Variants in KAT5 observed in about 807,000 individuals in gnomAD.
The protein encoded by KAT5 is lysine acetyltransferase 5.
A neutral mutation model predicts 68.1 loss-of-function variants in KAT5; 31 were observed. The observed-to-expected ratio is 0.46, with a 90% CI of 0.34 to 0.61. The LOEUF (loss-of-function observed/expected upper bound fraction) is 0.61. Ranked by LOEUF, KAT5 falls within the 20% of genes least tolerant of loss-of-function variation. KAT5 has a pLI of 0.01. For synonymous variants in KAT5, 365 were observed against 292.6 expected (o/e 1.25, Z -2.52); for missense variants, 451 against 725.5 (o/e 0.62, Z 4.35).
chr11:65,714,836 C>T lies in KAT5; in HGVS notation c.955C>T (p.Arg319Ter). 1 of 1,614,170 alleles carries T rather than the reference C, an allele frequency of 6.2e-7. No homozygotes were observed. Among genetic ancestry groups the T allele is most frequent in the Non-Finnish European group, 8.5e-7 (1 of 1,180,004 alleles). ...TCTTCCCCAGACCAAGTGTGACCTA[C>T]GACATCCTCCAGGCAATGAGATTTA... is the stretch of plus-strand genomic sequence containing the variant. ...LQRHLTKCDL[R>*]HPPGNEIYRK... Residue 319 changes from arginine (R) to a stop codon, truncating the protein, a stop_gained, in exon 8 of 13, where the codon CGA becomes TGA. Transcript: ENST00000341318. LOFTEE classifies it high-confidence loss of function.
At chr11:65,716,854 C>A in intron 9 of KAT5, 35 bp from the exon 10 acceptor site, 1 of 1,613,702 alleles carries the variant, frequency 6.2e-7, no homozygotes, top group Non-Finnish European at 8.5e-7. Context: ...TGAGCCAGAT[C>A]CCTTCCCTGA....
At position 65,713,682 on chromosome 11, in the gene KAT5, C is replaced by T. The variant is rs1857102354; in HGVS notation, c.615+15C>T. On this transcript the variant is annotated intron_variant, in intron 5 of 12. Transcript: ENST00000341318. ...TTTTTCCCCAGGTGAGTTCCCCAAA[C>T]CATCTCTTGTTCTCTTCCTCTCTTC... 6.2e-7 allele frequency: 1 copy of T among 1,614,144 alleles called. No individual in the cohort carries two copies. The highest frequency in any genetic ancestry group is 8.5e-7 in the Non-Finnish European group (1 of 1,179,960).
rs1309055587 is a variant in KAT5 at position 65,716,924 on chromosome 11, C to T, written c.1206C>T (p.Cys402=). ...CAACGGAAGACTACAATGTGGCCTG[C>T]ATCCTAACCCTGCCTCCCTACCAGC... ...KESTEDYNVA[C]ILTLPPYQRR... Residue 402 remains cysteine (C), a synonymous_variant, in exon 10 of 13, where the codon TGC becomes TGT. Transcript: ENST00000341318. 6.2e-7 allele frequency: 1 copy of T among 1,614,158 alleles called. No individual in the cohort carries two copies. The highest frequency in any genetic ancestry group is 1.3e-5 in the African/African-American group (1 of 75,050).
Position 65,712,950 on chromosome 11 carries a change from G to A in KAT5, c.276G>A (p.Thr92=), listed in dbSNP as rs540185082. 5.0e-6 allele frequency: 8 copies of A among 1,614,114 alleles called. No individual in the cohort carries two copies. Among genetic ancestry groups the A allele is most frequent in the African/African-American group, 2.7e-5 (2 of 75,002 alleles). ...ACAAACGTCTGGATGAATGGGTGAC[G>A]CATGAGCGGCTGGACCTAAAGAAGA... ...DFNKRLDEWV[T]HERLDLKKIQ... Residue 92 remains threonine (T), a synonymous_variant, in exon 3 of 13, where the codon ACG becomes ACA. Coordinates refer to ENST00000341318, the MANE Select transcript of KAT5 (RefSeq NM_182710.3).
chr11:65,713,136 G>T, intron 3 of KAT5, 78 bp downstream of exon 3: 1 of 1,557,306 alleles, frequency 6.4e-7, no homozygotes, highest in South Asian at 1.1e-5. Context: ...GCTCCTGGAT[G>T]GGCAGGAGGC....
chr11:65,712,628 C>T (rs768913091), intron 1 of KAT5, 138 bp from the exon 2 acceptor site: 2 of 1,237,548 alleles, frequency 1.6e-6, no homozygotes, highest in Non-Finnish European at 2.3e-6. Flanking sequence ...AGGGGTGGCA[C>T]TTGTGACTGA....
At chr11:65,713,928 T>A in intron 6 of KAT5, 80 bp downstream of exon 6, 1 of 1,304,288 alleles carries the variant, frequency 7.7e-7, no homozygotes, top group Non-Finnish European at 1.1e-6. Flanking sequence ...TAGTGATGAG[T>A]TTAAAAATAA....
At chr11:65,715,847 A>C (rs770022341) in intron 8 of KAT5, 1 of 152,034 alleles carries the variant, frequency 6.6e-6, no homozygotes, top group Non-Finnish European at 1.5e-5. Flanking sequence ...AAGGTGGGCC[A>C]ATCACTTGAG....
chr11:65,716,483 C>A (rs973521429), intron 8 of KAT5, 184 bp from the exon 9 acceptor site: 3 of 609,128 alleles, frequency 4.9e-6, no homozygotes, highest in Non-Finnish European at 5.8e-6. Context: ...GGCTTTTCAA[C>A]ACTGAGGAGC....
At position 65,719,283 on chromosome 11, in the gene KAT5, G is replaced by A. The variant is rs1051616456; in HGVS notation, c.*102G>A. The stretch of plus-strand genomic sequence containing the variant: ...CCACAAAGCACTCTAAGGGAGATGG[G>A]GCTGAGGACAGCTCAAAAAGGAGAG... On this transcript the variant is annotated 3_prime_UTR_variant, in exon 13 of 13. Coordinates refer to ENST00000341318, the MANE Select transcript of KAT5 (RefSeq NM_182710.3). 1.7e-5 allele frequency: 24 copies of A among 1,375,792 alleles called. No homozygotes were observed. The highest frequency in any genetic ancestry group is 2.4e-5 in the Non-Finnish European group (24 of 1,009,198). 85.2% of individuals were successfully genotyped at this position (1,375,792 alleles called of 1,614,324 possible).
intron 6 of KAT5, 25 bp from the exon 7 acceptor site, chr11:65,714,470 G>A (rs377660419): frequency 3.0e-5 from 48 of 1,609,964 alleles, no homozygotes; most frequent in Non-Finnish European, 3.7e-5. Context: ...CTTACAACCT[G>A]GTATTTTCCA....
intron 10 of KAT5, 31 bp downstream of exon 10, chr11:65,717,013 T>C (rs1857218998): frequency 6.5e-7 from 1 of 1,527,920 alleles, no homozygotes; most frequent in Non-Finnish European, 9.1e-7. Context: ...CAGGGGGTAG[T>C]GGACCCACTA....
Position 65,714,512 on chromosome 11 carries a change from T to G in KAT5, c.708T>G (p.Ser236=), listed in dbSNP as rs368421147. 1 of 1,614,120 alleles carries G rather than the reference T, an allele frequency of 6.2e-7. No individual in the cohort carries two copies. The highest frequency in any genetic ancestry group is 1.1e-5 in the South Asian group (1 of 91,084). The change falls in exon 7 of 13, where the codon TCT becomes TCG. Residue 236 remains serine (S), a synonymous_variant. Transcript: ENST00000341318. ...LGTDEDSQDS[S]DGIPSAPRMT... Reference sequence around the variant, plus strand: ...CTGGGCAGGACTCCCAGGACAGCTCTGATGGAATACCGTCAGCACCACGCA... The same window carrying G: ...CTGGGCAGGACTCCCAGGACAGCTCGGATGGAATACCGTCAGCACCACGCA...
In KAT5 at chr11:65,714,050, T is replaced by C. The variant is rs376778451; in HGVS notation, c.690+202T>C. 2.5e-5 allele frequency: 15 copies of C among 600,386 alleles called. No individual in the cohort carries two copies. The African/African-American group carries it at 2.8e-4, about 11-fold the overall frequency. The allele number at this position is 600,386 out of a possible 1,614,324, so 37.2% of individuals were successfully genotyped here. A position where few individuals can be genotyped will look rare whatever the true frequency, so the allele number is the denominator to read the frequency against. On this transcript the variant is annotated intron_variant, in intron 6 of 12. Coordinates refer to ENST00000341318, the MANE Select transcript of KAT5 (RefSeq NM_182710.3). ...TGGCTCATACCTGTAATCCCAGCACTTTGGGAGTCCAACCAAGGCTGGTGG... is the reference window on the plus strand; with the variant it reads ...TGGCTCATACCTGTAATCCCAGCACCTTGGGAGTCCAACCAAGGCTGGTGG...
intron 1 of KAT5, 154 bp from the exon 2 acceptor site, chr11:65,712,612 C>T: frequency 8.2e-7 from 1 of 1,217,616 alleles, no homozygotes; most frequent in Non-Finnish European, 1.2e-6. Flanking sequence ...AGGGCGGGGC[C>T]TGGAAAGGGG....
At chr11:65,712,237 G>A (rs1050615269), upstream of KAT5, 12 of 1,399,464 alleles carry the variant, frequency 8.6e-6, no homozygotes, top group South Asian at 1.2e-4. Context: ...GTCTCCCAGA[G>A]GGGCCGGAAG....
At position 65,712,846 on chromosome 11, in the gene KAT5, G is replaced by A; in HGVS notation, c.247+12G>A. The A allele has an allele frequency of 1.2e-6, 2 of 1,614,134 alleles. No individual in the cohort carries two copies. The highest frequency in any genetic ancestry group is 1.1e-5 in the South Asian group (1 of 91,086). On this transcript the variant is annotated intron_variant, in intron 2 of 12. Transcript: ENST00000341318. ...CCATTACATTGACTGTGAGTTCTGG[G>A]CCTGAGGTGGGGCATCAGGGTAGGG... is the stretch of plus-strand genomic sequence containing the variant.
rs757705083 is a variant in KAT5 at position 65,713,058 on chromosome 11, G to A, written c.384G>A (p.Val128=). 1.2e-6 allele frequency: 2 copies of A among 1,612,660 alleles called. No homozygotes were observed. The highest frequency in any genetic ancestry group is 3.3e-5 in the Admixed American group (2 of 60,016). Reference sequence around the variant, plus strand: ...GTCCTGGCTCTCCAGAGAGAGAGGTGGTGAGTAGGTCCCCCACTTCACCTT... The same window carrying A: ...GTCCTGGCTCTCCAGAGAGAGAGGTAGTGAGTAGGTCCCCCACTTCACCTT... ...GSRPGSPERE[V]PASAQASGKT... is the part of the protein sequence containing the mutation. Residue 128 remains valine, a splice_region_variant and synonymous_variant, in exon 3 of 13, where the codon GTG becomes GTA. Transcript: ENST00000341318.
chr11:65,718,807 TTCTC>T (rs369903559), intron 11 of KAT5, 58 bp downstream of exon 11: 105 of 1,613,760 alleles, frequency 6.5e-5, no homozygotes, highest in Admixed American at 2.2e-4. Context: ...TTCCTGGGCT[TTCTC>T]TCTCAGGGCT....
Sources: gnomAD v4.1 joint callset for allele counts on GRCh38, gnomAD v4.1.1 for gene constraint, MANE v1.5 for transcripts, NCBI Gene and HGNC (gene_info 2026-07-23, HGNC 2026-07-21) for gene names.